Variants in DIAPH3 observed in about 807,000 individuals in gnomAD.
DIAPH3 encodes the protein protein diaphanous homolog 3.
A neutral mutation model predicts 144.3 loss-of-function variants in DIAPH3; 117 were observed. The observed-to-expected ratio is 0.81, with a 90% CI of 0.70 to 0.95. The LOEUF (loss-of-function observed/expected upper bound fraction) is 0.95, where lower values mean the gene tolerates loss of function less well. DIAPH3 is among the 40% of genes least tolerant of loss of function. The pLI, the probability that DIAPH3 is intolerant of heterozygous loss-of-function variation, is 0.00. For missense variants in DIAPH3, 1,421 were observed against 1,412.7 expected (o/e 1.01, Z -0.09); for synonymous variants, 519 against 488.9 (o/e 1.06, Z -0.81).
At chr13:59,895,807 T>C (rs1189812454) in intron 20 of DIAPH3, among the ~76,000 whole-genome samples, 1 of 152,200 alleles carries the variant, frequency 6.6e-6, no homozygotes, top group East Asian at 1.9e-4. Context: ...ACAAGAATAA[T>C]GAGCCAGACG....
intron 1 of DIAPH3, among the ~76,000 whole-genome samples, chr13:60,140,601 G>C (rs2059404950): frequency 6.6e-6 from 1 of 151,906 alleles, no homozygotes; most frequent in Admixed American, 6.6e-5. Flanking sequence ...AAATAAAACA[G>C]GAATCATAGG....
chr13:60,159,038 C>T (rs1952164793), intron 1 of DIAPH3, among the ~76,000 whole-genome samples: 1 of 151,796 alleles, frequency 6.6e-6, no homozygotes, highest in African/African-American at 2.4e-5. Flanking sequence ...GCCTACTACA[C>T]CTGCTTCCAA....
chr13:59,802,658 A>ATT (rs1177764369), intron 25 of DIAPH3, among the ~76,000 whole-genome samples: 9 of 22,922 alleles, frequency 3.9e-4, no homozygotes, highest in Non-Finnish European at 5.5e-4. Context: ...TATTATTATT[A>ATT]TTATTATTAT....
At chr13:59,721,104 C>T (rs1038450816) in intron 27 of DIAPH3, among the ~76,000 whole-genome samples, 7 of 152,156 alleles carry the variant, frequency 4.6e-5, no homozygotes, top group African/African-American at 9.7e-5. Flanking sequence ...CTAACCATTA[C>T]ACAAATCAAG....
chr13:59,846,908 T>C (rs1159240525), intron 22 of DIAPH3, among the ~76,000 whole-genome samples: 1 of 152,074 alleles, frequency 6.6e-6, no homozygotes, highest in Non-Finnish European at 1.5e-5. Flanking sequence ...AAACCCCATC[T>C]CTATAAATTT....
chr13:60,000,556 G>A (rs895858905), intron 9 of DIAPH3, among the ~76,000 whole-genome samples: 1 of 151,790 alleles, frequency 6.6e-6, no homozygotes, highest in Non-Finnish European at 1.5e-5. Flanking sequence ...CCCAGCTATT[G>A]GTATTATATC....
intron 18 of DIAPH3, among the ~76,000 whole-genome samples, chr13:59,920,524 ATG>A (rs1348695883): frequency 6.6e-6 from 1 of 151,646 alleles, no homozygotes; most frequent in Non-Finnish European, 1.5e-5. Context: ...GTGTATATGC[ATG>A]TGTGTGCGTG....
At chr13:59,944,796 G>GGC (rs1555339353) in intron 17 of DIAPH3, among the ~76,000 whole-genome samples, 4 of 148,680 alleles carry the variant, frequency 2.7e-5, no homozygotes, top group Admixed American at 7.1e-5. Context: ...AGAAAAAAAG[G>GGC]GGGGGGGCTA....
At chr13:60,131,675 G>A (rs562519801) in intron 2 of DIAPH3, among the ~76,000 whole-genome samples, 21 of 152,196 alleles carry the variant, frequency 1.4e-4, no homozygotes, top group African/African-American at 4.1e-4. Flanking sequence ...TGAACATGAC[G>A]TTTCTTTTAA....
At chr13:60,112,472 T>C (rs948930476) in intron 2 of DIAPH3, among the ~76,000 whole-genome samples, 13 of 152,314 alleles carry the variant, frequency 8.5e-5, no homozygotes, top group African/African-American at 3.1e-4. Flanking sequence ...TGACCTTTGC[T>C]TTATATATTA....
chr13:59,899,736 A>G (rs1266690931), intron 20 of DIAPH3, among the ~76,000 whole-genome samples: 1 of 152,248 alleles, frequency 6.6e-6, no homozygotes, highest in Non-Finnish European at 1.5e-5. Context: ...TGTGTTAAAT[A>G]TAACTTGAGA....
intron 15 of DIAPH3, among the ~76,000 whole-genome samples, chr13:59,972,227 T>C (rs1266074013): frequency 6.6e-6 from 1 of 152,100 alleles, no homozygotes; most frequent in Non-Finnish European, 1.5e-5. Flanking sequence ...AAAAGACTGC[T>C]TTGCAGAATC....
intron 9 of DIAPH3, among the ~76,000 whole-genome samples, chr13:59,997,290 A>G (rs2052263820): frequency 6.6e-6 from 1 of 152,100 alleles, no homozygotes. Context: ...CATATAAGTG[A>G]GAACATGTGA....
chr13:59,678,435 C>G (rs893507948), intron 27 of DIAPH3, among the ~76,000 whole-genome samples: 2 of 152,146 alleles, frequency 1.3e-5, no homozygotes, highest in Admixed American at 1.3e-4. Context: ...CCTACTCATC[C>G]TTATTTCTAT....
chr13:60,015,673 G>C (rs899700481), intron 7 of DIAPH3, among the ~76,000 whole-genome samples: 2 of 151,898 alleles, frequency 1.3e-5, no homozygotes, highest in African/African-American at 4.8e-5. Flanking sequence ...GGTTGAGAGG[G>C]AGGAAAGGGT....
chr13:59,994,018 A>G (rs1347993561), intron 9 of DIAPH3, among the ~76,000 whole-genome samples: 4 of 151,898 alleles, frequency 2.6e-5, no homozygotes, highest in African/African-American at 9.7e-5. Context: ...AGCAAATATT[A>G]CCTAAATGGA....
intron 3 of DIAPH3, among the ~76,000 whole-genome samples, chr13:60,095,957 T>C (rs1006598731): frequency 3.9e-5 from 6 of 152,232 alleles, no homozygotes; most frequent in African/African-American, 4.8e-5. Flanking sequence ...GCCACTGCTG[T>C]ACTCACAGAG....
intron 1 of DIAPH3, among the ~76,000 whole-genome samples, chr13:60,137,648 T>C (rs1201078309): frequency 1.3e-5 from 2 of 152,042 alleles, no homozygotes; most frequent in Admixed American, 6.6e-5. Flanking sequence ...TTCAAGCCAG[T>C]AGGCTTGCAT....
chr13:59,741,579 A>G (rs927487369), intron 27 of DIAPH3, among the ~76,000 whole-genome samples: 1 of 151,860 alleles, frequency 6.6e-6, no homozygotes, highest in African/African-American at 2.4e-5. Context: ...ACATAGTGAG[A>G]TCCTGTTTCA....
Sources: gnomAD v4.1 joint callset for allele counts (sites outside exome capture counted in the v4.1 genomes callset) on GRCh38, gnomAD v4.1.1 for gene constraint, MANE v1.5 for transcripts, NCBI Gene and HGNC (gene_info 2026-07-23, HGNC 2026-07-21) for gene names.